Variants in ZFR2 observed in about 807,000 individuals in gnomAD.
The protein encoded by ZFR2 is zinc finger RNA binding protein 2.
Under a neutral mutation model 105.7 loss-of-function variants are expected in ZFR2, and 104 were observed. The ratio of observed to expected loss-of-function variants is 0.98; its 90% CI spans 0.84 to 1.16. The LOEUF is 1.16. ZFR2 is among the 50% of genes most tolerant of loss of function. The pLI, the probability that ZFR2 is intolerant of heterozygous loss-of-function variation, is 0.00. For synonymous variants in ZFR2, 634 were observed against 597.7 expected, an observed-to-expected ratio of 1.06 and a Z score of -0.89; for missense variants, 1,425 against 1,355.5, an observed-to-expected ratio of 1.05 and a Z score of -0.80.
intron 1 of ZFR2, among the ~76,000 whole-genome samples, chr19:3,863,004 A>G (rs2145196594): frequency 6.6e-6 from 1 of 152,268 alleles, no homozygotes; most frequent in South Asian, 2.1e-4. Flanking sequence ...GTAGGAGTCC[A>G]TTTACAGGTA....
In ZFR2 at chr19:3,827,662, A is replaced by G. The variant is rs570480866; in HGVS notation, c.853-9T>C. On this transcript the variant is annotated splice_polypyrimidine_tract_variant and intron_variant, in intron 5 of 18. Coordinates refer to ENST00000262961, the MANE Select transcript of ZFR2 (RefSeq NM_015174.2). ...AGATGTTCCCGGTAGGTCTGCGGCA[A>G]GGGGTGAGAGGCAGCCTGGGCGGGG... The G allele has an allele frequency of 1.9e-6, 3 of 1,573,008 alleles. No homozygotes were observed. The highest frequency in any genetic ancestry group is 2.6e-6 in the Non-Finnish European group (3 of 1,159,628).
chr19:3,819,133 ACACGGCCCTCTG>A lies in ZFR2; in HGVS notation c.1831_1842del (p.Gln611_Val614del), dbSNP rs1451660827. ...AGCTTGAGGGCCCGCTCTGCGTGGG[ACACGGCCCTCTG>A]CACGGCCAGGAGCTCCTGCTCCGTG... On this transcript the variant is annotated inframe_deletion, in exon 12 of 19. Transcript: ENST00000262961. The A allele has an allele frequency of 1.2e-6, 2 of 1,610,474 alleles. No individual in the cohort carries two copies. The highest frequency in any genetic ancestry group is 2.7e-5 in the African/African-American group (2 of 74,858).
intron 1 of ZFR2, among the ~76,000 whole-genome samples, chr19:3,848,600 A>C (rs774464300): frequency 5.3e-5 from 8 of 151,402 alleles, no homozygotes; most frequent in Non-Finnish European, 1.0e-4. Context: ...CCAGCTCCTC[A>C]GGAGGCTGAG....
At chr19:3,854,071 G>A (rs747962078) in intron 1 of ZFR2, among the ~76,000 whole-genome samples, 6 of 151,556 alleles carry the variant, frequency 4.0e-5, no homozygotes, top group Admixed American at 6.6e-5. Context: ...GCAACAGAGC[G>A]AGACCCTGTC....
chr19:3,843,646 C>G (rs1349672465), intron 1 of ZFR2, among the ~76,000 whole-genome samples: 3 of 151,958 alleles, frequency 2.0e-5, no homozygotes, highest in Non-Finnish European at 2.9e-5. Flanking sequence ...TCCTGGCTAA[C>G]ATGGTGAAAC....
At chr19:3,852,411 C>T in intron 1 of ZFR2, 1 of 708,094 alleles carries the variant, frequency 1.4e-6, no homozygotes, top group South Asian at 1.5e-5. Flanking sequence ...CACTGTGACT[C>T]TTCTCCTTAT....
intron 1 of ZFR2, among the ~76,000 whole-genome samples, chr19:3,860,489 C>T (rs2038360718): frequency 6.6e-6 from 1 of 152,162 alleles, no homozygotes; most frequent in Non-Finnish European, 1.5e-5. Context: ...GATTCCAGAG[C>T]CTGGGCGTCG....
chr19:3,805,741 A>G lies in ZFR2; in HGVS notation c.*208T>C. On this transcript the variant is annotated 3_prime_UTR_variant, in exon 19 of 19. Transcript: ENST00000262961. Reference sequence around the variant, plus strand: ...GGCTGGCCTTGAACTCTCAGGCTCAAGCAACTCAGCCTCCCAAAGTGCTGG... The same window carrying G: ...GGCTGGCCTTGAACTCTCAGGCTCAGGCAACTCAGCCTCCCAAAGTGCTGG... The G allele has an allele frequency of 1.9e-6, 1 of 534,180 alleles. No homozygotes were observed. Among genetic ancestry groups the G allele is most frequent in the South Asian group, 3.3e-5 (1 of 29,854 alleles). 33.1% of individuals were successfully genotyped at this position (534,180 alleles called of 1,614,324 possible). A position where few individuals can be genotyped will look rare whatever the true frequency, so the allele number is the denominator to read the frequency against.
intron 1 of ZFR2, among the ~76,000 whole-genome samples, chr19:3,859,846 T>C (rs2038352320): frequency 6.6e-6 from 1 of 152,220 alleles, no homozygotes; most frequent in South Asian, 2.1e-4. Flanking sequence ...AAATGCATCT[T>C]ACACATTCAT....
At chr19:3,808,212 T>C (rs1303030358) in intron 17 of ZFR2, among the ~76,000 whole-genome samples, 2 of 151,576 alleles carry the variant, frequency 1.3e-5, no homozygotes, top group Non-Finnish European at 2.9e-5. Context: ...TGTGCGTGTG[T>C]GCCCGTGCGA....
intron 10 of ZFR2, 93 bp downstream of exon 10, chr19:3,821,247 G>A (rs1169540135): frequency 7.2e-7 from 1 of 1,386,496 alleles, no homozygotes; most frequent in South Asian, 1.5e-5. Flanking sequence ...TCACACGGAG[G>A]AGCTCCGTAA....
chr19:3,844,867 C>T (rs1471324752), intron 1 of ZFR2, among the ~76,000 whole-genome samples: 1 of 152,194 alleles, frequency 6.6e-6, no homozygotes, highest in Non-Finnish European at 1.5e-5. Context: ...CCCCGTGGCC[C>T]ACTCCCGGGG....
intron 1 of ZFR2, chr19:3,857,049 G>A (rs1427010142): frequency 6.8e-6 from 1 of 147,208 alleles, no homozygotes; most frequent in African/African-American, 2.5e-5. Flanking sequence ...AATTTTAAGC[G>A]ATGCTAGGAA....
chr19:3,843,080 G>A (rs1325519106), intron 1 of ZFR2, among the ~76,000 whole-genome samples: 1 of 146,428 alleles, frequency 6.8e-6, no homozygotes, highest in Admixed American at 6.6e-5. Flanking sequence ...CTACTCAAAG[G>A]AAAAGAAAGC....
Position 3,813,785 on chromosome 19 carries a change from G to T in ZFR2, c.2242+35C>A. 6.2e-7 allele frequency: 1 copy of T among 1,610,708 alleles called. No individual in the cohort carries two copies. The highest frequency in any genetic ancestry group is 1.1e-5 in the South Asian group (1 of 90,934). On this transcript the variant is annotated intron_variant, in intron 14 of 18. Coordinates refer to ENST00000262961, the MANE Select transcript of ZFR2 (RefSeq NM_015174.2). This position sits in a 1 kb window ranked among gnomAD's most constrained non-coding sequence, Gnocchi z 4.4. Reference sequence around the variant, plus strand: ...GGGGAGCGCCCTGGGGAAGCGTGAGGGGGACAGTGGTTGGAAGGAAGGGCT... The same window carrying T: ...GGGGAGCGCCCTGGGGAAGCGTGAGTGGGACAGTGGTTGGAAGGAAGGGCT...
At chr19:3,847,436 A>T (rs1014126426) in intron 1 of ZFR2, among the ~76,000 whole-genome samples, 3 of 152,122 alleles carry the variant, frequency 2.0e-5, no homozygotes, top group African/African-American at 7.2e-5. Context: ...AAGCAGTAGA[A>T]TCACTTGAAC....
rs751342457 is a variant in ZFR2, at chr19:3,821,391, T to A, written c.1580A>T (p.His527Leu). The change falls in exon 10 of 19, where the codon CAC becomes CTC. Residue 527 changes from histidine (H) to leucine (L), a missense_variant. His to Leu is a moderately conservative substitution (Grantham distance 99). Transcript: ENST00000262961. ...VLEERMRKQR[H>L]LAEERLEQLR... ...CTGCTCCAGCCGCTCCTCCGCCAGG[T>A]GCCGCTGCTTCCTCATGCGCTCCTC... 6 of 1,610,668 alleles carry A rather than the reference T, an allele frequency of 3.7e-6. No individual in the cohort carries two copies. In the South Asian group the frequency reaches 6.6e-5, roughly 18 times the overall value.
chr19:3,812,234 G>A (rs549774329), intron 14 of ZFR2, among the ~76,000 whole-genome samples: 32 of 152,118 alleles, frequency 2.1e-4, no homozygotes, highest in Non-Finnish European at 2.8e-4. Flanking sequence ...GTGAGCCACC[G>A]CGCCTGGCCA....
At chr19:3,839,272 C>T (rs898715033) in intron 1 of ZFR2, among the ~76,000 whole-genome samples, 16 of 152,244 alleles carry the variant, frequency 1.1e-4, no homozygotes, top group Admixed American at 7.9e-4. Context: ...ATGGCTCACA[C>T]CTGTCATCCC....
Sources: gnomAD v4.1 joint callset for allele counts (sites outside exome capture counted in the v4.1 genomes callset) on GRCh38, gnomAD v4.1.1 for gene constraint, Gnocchi (gnomAD v3.1) non-coding constraint, MANE v1.5 for transcripts, NCBI Gene and HGNC (gene_info 2026-07-23, HGNC 2026-07-21) for gene names.